SLC25A3: variants seen among roughly 807,000 people sequenced by gnomAD.
The protein encoded by SLC25A3 is phosphate transport protein.
Under a neutral mutation model 37.1 loss-of-function variants are expected in SLC25A3, and 14 were observed. The observed-to-expected ratio is 0.38, with a 90% CI of 0.25 to 0.59. The LOEUF is 0.59. SLC25A3 is among the 20% of genes least tolerant of loss of function. The pLI, the probability that SLC25A3 is intolerant of heterozygous loss-of-function variation, is 0.67. For synonymous variants in SLC25A3, 161 were observed against 168.7 expected (o/e 0.95, Z 0.36); for missense variants, 385 against 458.1 (o/e 0.84, Z 1.46).
At chr12:98,599,899 A>G in intron 5 of SLC25A3, 56 bp from the exon 6 acceptor site, 1 of 1,593,064 alleles carries the variant, frequency 6.3e-7, no homozygotes, top group South Asian at 1.1e-5. Context: ...TAATAATGAC[A>G]GTCTCTGATA....
Position 98,601,672 on chromosome 12 carries a change from T to A in SLC25A3, c.*144T>A. The A allele has an allele frequency of 3.0e-6, 2 of 660,136 alleles. No individual in the cohort carries two copies. Among genetic ancestry groups the A allele is most frequent in the Non-Finnish European group, 5.5e-6 (2 of 366,334 alleles). The allele number at this position is 660,136 out of a possible 1,614,324, so 40.9% of individuals were successfully genotyped here. A position where few individuals can be genotyped will look rare whatever the true frequency, so the allele number is the denominator to read the frequency against. On this transcript the variant is annotated 3_prime_UTR_variant, in exon 8 of 8. Transcript: ENST00000552981. ...AGTACTCTTGCTTAAGGCAAGAGTT[T>A]CAGATTTACTGTTGAAATAAACCCA...
rs374747720 is a variant in SLC25A3, at chr12:98,602,200, C to G, written c.*672C>G. On this transcript the variant is annotated 3_prime_UTR_variant, in exon 8 of 8. Coordinates refer to ENST00000552981, the MANE Select transcript of SLC25A3 (RefSeq NM_002635.4). ...TTTTTTTTTGAGACGGAGTTTCACTCTTGTTGCCCAGACGAGTGTAGTGTC... is the reference window on the plus strand; with the variant it reads ...TTTTTTTTTGAGACGGAGTTTCACTGTTGTTGCCCAGACGAGTGTAGTGTC... The G allele has an allele frequency of 2.0e-5, 3 of 152,168 alleles. No homozygotes were observed. Among genetic ancestry groups the G allele is most frequent in the Non-Finnish European group, 2.9e-5 (2 of 68,558 alleles). 9.4% of individuals were successfully genotyped at this position (152,168 alleles called of 1,614,324 possible).
rs138976005 is a variant in SLC25A3, at chr12:98,597,200, G to A, written c.280-656G>A. 4.9e-3 allele frequency among the ~76,000 whole-genome samples: 740 copies of A among 152,060 alleles called. 5 individuals carry two copies. Among genetic ancestry groups the A allele is most frequent in the African/African-American group, 0.017 (693 of 41,468 alleles). On this transcript the variant is annotated intron_variant, in intron 3 of 7. Transcript: ENST00000552981. Reference sequence around the variant, plus strand: ...CTCTTAACTATCACTCCAAGACTTAGGTTTGACACAGAAAGCTAGACCTTA... The same window carrying A: ...CTCTTAACTATCACTCCAAGACTTAAGTTTGACACAGAAAGCTAGACCTTA...
rs1411410828 is a variant in SLC25A3, at chr12:98,601,698, A to G, written c.*170A>G. The G allele has an allele frequency of 8.0e-6, 5 of 624,652 alleles. No individual in the cohort carries two copies. The highest frequency in any genetic ancestry group is 1.1e-5 in the Non-Finnish European group (4 of 351,222). The allele number at this position is 624,652 out of a possible 1,614,324, so 38.7% of individuals were successfully genotyped here. A position where few individuals can be genotyped will look rare whatever the true frequency, so the allele number is the denominator to read the frequency against. On this transcript the variant is annotated 3_prime_UTR_variant, in exon 8 of 8. Coordinates refer to ENST00000552981, the MANE Select transcript of SLC25A3 (RefSeq NM_002635.4). ...CAGATTTACTGTTGAAATAAACCCA[A>G]CTCTTCATGATTTGCCTGTGACTTA...
At chr12:98,596,866 C>T (rs906374490) in intron 3 of SLC25A3, among the ~76,000 whole-genome samples, 1 of 151,936 alleles carries the variant, frequency 6.6e-6, no homozygotes, top group African/African-American at 2.4e-5. Flanking sequence ...GCTAAAAATA[C>T]AAAAATTAGC....
intron 4 of SLC25A3, 25 bp downstream of exon 4, chr12:98,598,060 A>G: frequency 6.2e-7 from 1 of 1,608,996 alleles, no homozygotes. Flanking sequence ...TTAAAATTGA[A>G]TGTTCCGAGT....
chr12:98,601,609 C>T lies in SLC25A3; in HGVS notation c.*81C>T, dbSNP rs1488027164. 9 of 914,618 alleles carry T rather than the reference C, an allele frequency of 9.8e-6. No individual in the cohort carries two copies. The highest frequency in any genetic ancestry group is 1.4e-5 in the Non-Finnish European group (8 of 554,384). 56.7% of individuals were successfully genotyped at this position (914,618 alleles called of 1,614,324 possible). On this transcript the variant is annotated 3_prime_UTR_variant, in exon 8 of 8. Coordinates refer to ENST00000552981, the MANE Select transcript of SLC25A3 (RefSeq NM_002635.4). ...GCAAAAGGAACTTTTATATATTTGA[C>T]AGTGTAGGAAATTGTCTATTCCTGA...
chr12:98,597,475 C>T (rs2097593934), intron 3 of SLC25A3: 3 of 233,006 alleles, frequency 1.3e-5, no homozygotes, highest in Non-Finnish European at 2.6e-5. Flanking sequence ...GTAGTGGTGC[C>T]ATCGTGGCTC....
At chr12:98,593,782 C>T in intron 1 of SLC25A3, 42 bp downstream of exon 1, 1 of 625,360 alleles carries the variant, frequency 1.6e-6, no homozygotes, top group Non-Finnish European at 2.8e-6. Flanking sequence ...GTGTGGGGAG[C>T]GGAGCCCAGA....
At chr12:98,597,201 GT>G (rs2097593724) in intron 3 of SLC25A3, among the ~76,000 whole-genome samples, 1 of 151,962 alleles carries the variant, frequency 6.6e-6, no homozygotes, top group Non-Finnish European at 1.5e-5. Context: ...CAAGACTTAG[GT>G]TTGACACAGA....
At chr12:98,594,354 G>GA in intron 2 of SLC25A3, 3 of 702,630 alleles carry the variant, frequency 4.3e-6, no homozygotes, top group Non-Finnish European at 7.8e-6. Context: ...CTGAGGCCCT[G>GA]TGTCCCTTCG....
intron 3 of SLC25A3, 171 bp from the exon 4 acceptor site, chr12:98,597,685 A>G (rs921011660): frequency 1.7e-5 from 15 of 866,334 alleles, no homozygotes; most frequent in Non-Finnish European, 2.4e-5. Flanking sequence ...CAGCCTCCCA[A>G]AGTGCTGGGA....
intron 1 of SLC25A3, 88 bp from the exon 2 acceptor site, chr12:98,593,887 G>A (rs2097590549): frequency 6.7e-7 from 1 of 1,496,104 alleles, no homozygotes; most frequent in South Asian, 1.2e-5. Flanking sequence ...GAGACGGGAA[G>A]GAAAAGGCCC....
chr12:98,596,923 G>C (rs1170154180), intron 3 of SLC25A3, among the ~76,000 whole-genome samples: 4 of 152,128 alleles, frequency 2.6e-5, no homozygotes, highest in Non-Finnish European at 5.9e-5. Flanking sequence ...GGAGGCTGAG[G>C]CAGGAGAATC....
At chr12:98,598,962 T>C (rs1471001252) in intron 5 of SLC25A3, among the ~76,000 whole-genome samples, 1 of 151,998 alleles carries the variant, frequency 6.6e-6, no homozygotes, top group East Asian at 1.9e-4. Flanking sequence ...TTTTTCAGTA[T>C]AGACGGAGTT....
Position 98,598,721 on chromosome 12 carries a change from A to C in SLC25A3, c.641+18A>C. On this transcript the variant is annotated intron_variant, in intron 5 of 7. Coordinates refer to ENST00000552981, the MANE Select transcript of SLC25A3 (RefSeq NM_002635.4). ...CTAAAAGCGTAAGTAAACACTTAAA[A>C]ATTTATACTATGAAAGTACTTATTT... is the stretch of plus-strand genomic sequence containing the variant. 1 of 1,601,836 alleles carries C rather than the reference A, an allele frequency of 6.2e-7. No homozygotes were observed. Among genetic ancestry groups the C allele is most frequent in the Non-Finnish European group, 8.6e-7 (1 of 1,169,554 alleles).
chr12:98,601,084 ATTATT>A (rs2097597477), intron 6 of SLC25A3, 82 bp from the exon 7 acceptor site: 1 of 1,459,150 alleles, frequency 6.9e-7, no homozygotes, highest in Non-Finnish European at 9.3e-7. Context: ...CTAGAAAAAT[ATTATT>A]TTAAAATCAT....
chr12:98,595,413 T>C lies in SLC25A3; in HGVS notation c.158-314T>C, dbSNP rs777612663. ...CTCTGAAGAAATACTTACTTGATTT[T>C]TTTTTTTCCAATCAAACAGAGCAGT... On this transcript the variant is annotated intron_variant, in intron 2 of 7. Coordinates refer to ENST00000552981, the MANE Select transcript of SLC25A3 (RefSeq NM_002635.4). The C allele has an allele frequency of 1.1e-4, 179 of 1,613,372 alleles. 1 individual carries two copies. The highest frequency in any genetic ancestry group is 1.5e-4 in the Non-Finnish European group (174 of 1,179,514).
chr12:98,597,314 G>T (rs1275615424), intron 3 of SLC25A3, among the ~76,000 whole-genome samples: 2 of 152,068 alleles, frequency 1.3e-5, no homozygotes, highest in Non-Finnish European at 2.9e-5. Context: ...TATGAATGTA[G>T]TTCCTCACTC....
Sources: gnomAD v4.1 joint callset for allele counts (sites outside exome capture counted in the v4.1 genomes callset) on GRCh38, gnomAD v4.1.1 for gene constraint, MANE v1.5 for transcripts, NCBI Gene and HGNC (gene_info 2026-07-23, HGNC 2026-07-21) for gene names.